Variants in PSMD4 observed in about 807,000 individuals in gnomAD.
The protein encoded by PSMD4 is 26S proteasome non-ATPase regulatory subunit 4.
PSMD4 carries 5 observed loss-of-function variants against 39.7 expected under a neutral mutation model. That is an observed-to-expected ratio of 0.13 (90% confidence interval 0.07 to 0.26). The LOEUF is 0.26. Ranked by LOEUF, PSMD4 falls within the 10% of genes least tolerant of loss-of-function variation. The pLI, the probability that PSMD4 is intolerant of heterozygous loss-of-function variation, is 1.00. For synonymous variants in PSMD4, 143 were observed against 174.6 expected, an observed-to-expected ratio of 0.82 and a Z score of 1.43; for missense variants, 272 against 486.1, an observed-to-expected ratio of 0.56 and a Z score of 4.14.
intron 1 of PSMD4, among the ~76,000 whole-genome samples, chr1:151,257,325 G>A (rs1693198781): frequency 1.3e-5 from 2 of 152,106 alleles, no homozygotes; most frequent in African/African-American, 4.8e-5. Context: ...AGTGCCATGC[G>A]GTTTTGGTTA....
Position 151,256,364 on chromosome 1 carries a change from A to T in PSMD4, c.26+1556A>T, listed in dbSNP as rs200160607. On this transcript the variant is annotated intron_variant, in intron 1 of 9. Transcript: ENST00000368884. ...CTCTCAAAAAAAAAAAAATAATAAT[A>T]AAATAAATAAATAAATAAATAAATA... Among the ~76,000 whole-genome samples the T allele has an allele frequency of 7.3e-3, 333 of 45,614 alleles. 9 individuals are homozygous for T. Among genetic ancestry groups the T allele is most frequent in the African/African-American group, 0.02 (166 of 8,250 alleles). The allele number at this position is 45,614 out of a possible 152,430, so 29.9% of individuals were successfully genotyped here.
chr1:151,257,216 T>A (rs1210841499), intron 1 of PSMD4, among the ~76,000 whole-genome samples: 1 of 152,234 alleles, frequency 6.6e-6, no homozygotes, highest in Admixed American at 6.5e-5. Flanking sequence ...TCACTGCTTG[T>A]TTTGTCAGCT....
chr1:151,260,679 G>T lies in PSMD4; in HGVS notation c.27-1482G>T, dbSNP rs147268181. Among the ~76,000 whole-genome samples, 1,404 of 151,978 alleles carry T rather than the reference G, an allele frequency of 9.2e-3. 23 individuals carry two copies. Among genetic ancestry groups the T allele is most frequent in the African/African-American group, 0.032 (1,320 of 41,470 alleles). ...GCCACCCGAATAGCTGGGATTACAGGTGCCTGCCACCACGCCCGGCTAACT... is the reference window on the plus strand; with the variant it reads ...GCCACCCGAATAGCTGGGATTACAGTTGCCTGCCACCACGCCCGGCTAACT... On this transcript the variant is annotated intron_variant, in intron 1 of 9. Coordinates refer to ENST00000368884, the MANE Select transcript of PSMD4 (RefSeq NM_002810.4).
At chr1:151,266,723 A>G (rs2101842216) in intron 9 of PSMD4, 136 bp downstream of exon 9, 2 of 1,072,588 alleles carry the variant, frequency 1.9e-6, no homozygotes, top group African/African-American at 1.6e-5. Context: ...CATTTCTTAC[A>G]TGTAAACCTT....
chr1:151,263,479 G>A (rs1693356570), intron 2 of PSMD4, among the ~76,000 whole-genome samples: 1 of 145,434 alleles, frequency 6.9e-6, no homozygotes, highest in African/African-American at 2.6e-5. Flanking sequence ...TAAAAAAGAA[G>A]AATAGAGATT....
intron 1 of PSMD4, among the ~76,000 whole-genome samples, chr1:151,257,383 T>TTTGTTCTTTTAGCTTAGGA (rs1322350191): frequency 2.0e-5 from 3 of 152,200 alleles, no homozygotes; most frequent in Admixed American, 6.5e-5. Flanking sequence ...TGCCTCCAGC[T>TTTGTTCTTTTAGCTTAGGA]TTGTTCTTTT....
rs1382893101 is a variant in PSMD4 at position 151,267,375 on chromosome 1, A to G, written c.*32A>G. Reference sequence around the variant, plus strand: ...AGGGAAAGGGTAGCTGAGTCTGCTTAGGGGACTGCATGGGAAGCACGGAAT... The same window carrying G: ...AGGGAAAGGGTAGCTGAGTCTGCTTGGGGGACTGCATGGGAAGCACGGAAT... On this transcript the variant is annotated 3_prime_UTR_variant, in exon 10 of 10. Coordinates refer to ENST00000368884, the MANE Select transcript of PSMD4 (RefSeq NM_002810.4). 6.2e-6 allele frequency: 10 copies of G among 1,606,078 alleles called. No individual in the cohort carries two copies. Among genetic ancestry groups the G allele is most frequent in the Non-Finnish European group, 8.5e-6 (10 of 1,173,512 alleles).
chr1:151,257,715 C>CTTTTTTTTTTTT (rs71090149), intron 1 of PSMD4, among the ~76,000 whole-genome samples: 366 of 88,672 alleles, frequency 4.1e-3, no homozygotes, highest in Middle Eastern at 0.012. Flanking sequence ...ACCTGGCTTT[C>CTTTTTTTTTTTT]TTTTTTTTTT....
At chr1:151,257,290 T>C (rs1693197832) in intron 1 of PSMD4, among the ~76,000 whole-genome samples, 1 of 152,164 alleles carries the variant, frequency 6.6e-6, no homozygotes, top group Non-Finnish European at 1.5e-5. Flanking sequence ...TCTGTCCCAT[T>C]GGTCTCTGTG....
intron 1 of PSMD4, among the ~76,000 whole-genome samples, chr1:151,260,351 AC>A (rs1401769931): frequency 1.3e-5 from 2 of 152,094 alleles, no homozygotes; most frequent in African/African-American, 2.4e-5. Context: ...TGCATCACTT[AC>A]CTGCCTTCTT....
In PSMD4 at chr1:151,267,424, G is replaced by A. The variant is rs1571074085; in HGVS notation, c.*81G>A. ...ATATAGGGTTAGATGTGTGTTATCT[G>A]TAACCATTACAGCCTAAATAAAGCT... is the stretch of plus-strand genomic sequence containing the variant. On this transcript the variant is annotated 3_prime_UTR_variant, in exon 10 of 10. Coordinates refer to ENST00000368884, the MANE Select transcript of PSMD4 (RefSeq NM_002810.4). 1 of 1,480,762 alleles carries A rather than the reference G, an allele frequency of 6.8e-7. No homozygotes were observed. The highest frequency in any genetic ancestry group is 2.3e-5 in the East Asian group (1 of 43,814). The allele number at this position is 1,480,762 out of a possible 1,614,324, so 91.7% of individuals were successfully genotyped here.
chr1:151,257,972 T>C (rs975939577), intron 1 of PSMD4, among the ~76,000 whole-genome samples: 1 of 152,130 alleles, frequency 6.6e-6, no homozygotes, highest in Non-Finnish European at 1.5e-5. Context: ...GTAATTCTCA[T>C]TGTAGAGCTC....
rs587624197 is a variant in PSMD4, at chr1:151,266,329, A to G, written c.785A>G (p.Lys262Arg). 6.2e-7 allele frequency: 1 copy of G among 1,614,246 alleles called. No homozygotes were observed. Among genetic ancestry groups the G allele is most frequent in the South Asian group, 1.1e-5 (1 of 91,084 alleles). Residue 262 changes from lysine to arginine, a missense_variant, in exon 8 of 10, where the codon AAG becomes AGG. This residue lies in a region of PSMD4 where 113 missense variants were observed against 184.6 expected (regional missense o/e 0.61). Coordinates refer to ENST00000368884, the MANE Select transcript of PSMD4 (RefSeq NM_002810.4). ...GTEDSDDALLKMTISQQEFGR... is the reference protein window; with the variant it reads ...GTEDSDDALLRMTISQQEFGR... ...CCAGACTCAGACGATGCCCTGCTGAAGATGACCATCAGCCAGCAAGAGTTT... is the reference window on the plus strand; with the variant it reads ...CCAGACTCAGACGATGCCCTGCTGAGGATGACCATCAGCCAGCAAGAGTTT...
chr1:151,257,540 TTTAA>T (rs763768614), intron 1 of PSMD4, among the ~76,000 whole-genome samples: 16 of 152,108 alleles, frequency 1.1e-4, no homozygotes, highest in East Asian at 3.9e-4. Context: ...AATGGCCAAT[TTTAA>T]TTAATTAATT....
At chr1:151,265,960 G>T in intron 6 of PSMD4, 44 bp from the exon 7 acceptor site, 1 of 1,525,474 alleles carries the variant, frequency 6.6e-7, no homozygotes, top group South Asian at 1.3e-5. Context: ...CTCCCTGTAG[G>T]AGTGAGGGCA....
rs1412319793 is a variant in PSMD4 at position 151,256,363 on chromosome 1, TAAAATAAATA to T, written c.26+1558_26+1567del. 7.5e-4 allele frequency among the ~76,000 whole-genome samples: 28 copies of T among 37,564 alleles called. 1 individual carries two copies. The highest frequency in any genetic ancestry group is 2.2e-3 in the African/African-American group (28 of 12,996). The allele number at this position is 37,564 out of a possible 152,430, so 24.6% of individuals were successfully genotyped here. On this transcript the variant is annotated intron_variant, in intron 1 of 9. Transcript: ENST00000368884. ...CCTCTCAAAAAAAAAAAAATAATAA[TAAAATAAATA>T]AATAAATAAATAAATAAATAAAAAT...
intron 1 of PSMD4, among the ~76,000 whole-genome samples, chr1:151,255,962 G>A (rs1192665485): frequency 6.6e-6 from 1 of 151,754 alleles, no homozygotes; most frequent in Non-Finnish European, 1.5e-5. Context: ...GTGGTATCTC[G>A]TTGTGGTTTT....
chr1:151,265,147 T>C lies in PSMD4; in HGVS notation c.370-19T>C, dbSNP rs1245503428. 2.5e-6 allele frequency: 4 copies of C among 1,600,414 alleles called. No individual in the cohort carries two copies. Among genetic ancestry groups the C allele is most frequent in the African/African-American group, 2.7e-5 (2 of 74,346 alleles). ...CGAGTATGGAACAGATTTCTTGATTTTTCTCCCCTTCTTCCCAGCTGGTGA... is the reference window on the plus strand; with the variant it reads ...CGAGTATGGAACAGATTTCTTGATTCTTCTCCCCTTCTTCCCAGCTGGTGA... On this transcript the variant is annotated intron_variant, in intron 4 of 9. Transcript: ENST00000368884.
intron 1 of PSMD4, among the ~76,000 whole-genome samples, chr1:151,258,248 G>A (rs587648808): frequency 4.6e-5 from 7 of 151,872 alleles, no homozygotes; most frequent in Admixed American, 3.3e-4. Flanking sequence ...GGCTGGTCTC[G>A]AACACTTGAC....
Sources: allele counts gnomAD v4.1 joint callset (sites outside exome capture counted in the v4.1 genomes callset), GRCh38; gene constraint gnomAD v4.1.1; regional missense constraint gnomAD v4.1.1; transcripts MANE v1.5; gene names NCBI Gene and HGNC (gene_info 2026-07-23, HGNC 2026-07-21).